The following DCC variants were observed in gnomAD, a reference collection of about 807,000 sequenced individuals.
The protein encoded by DCC is netrin receptor DCC.
A neutral mutation model predicts 172.5 loss-of-function variants in DCC; 58 were observed. The observed-to-expected ratio is 0.34, with a 90% CI of 0.27 to 0.42. The LOEUF (loss-of-function observed/expected upper bound fraction) is 0.42. DCC is among the 10% of genes least tolerant of loss of function. The pLI, the probability that DCC is intolerant of heterozygous loss-of-function variation, is 1.00. For missense variants in DCC, 1,740 were observed against 1,791.0 expected (o/e 0.97, Z 0.51); for synonymous variants, 709 against 644.5 (o/e 1.10, Z -1.52).
At chr18:53,306,538 G>T (rs1018106885) in intron 13 of DCC, among the ~76,000 whole-genome samples, 10 of 152,194 alleles carry the variant, frequency 6.6e-5, no homozygotes, top group African/African-American at 2.2e-4. Context: ...CTCTTGAGAA[G>T]CCACATGAAC....
intron 22 of DCC, among the ~76,000 whole-genome samples, chr18:53,443,866 C>T (rs1408466519): frequency 6.6e-6 from 1 of 152,146 alleles, no homozygotes. Flanking sequence ...ATCGAAATCC[C>T]AGTAACTGCG....
At chr18:53,211,498 C>T (rs10083967) in intron 11 of DCC, among the ~76,000 whole-genome samples, 2 of 152,136 alleles carry the variant, frequency 1.3e-5, no homozygotes, top group African/African-American at 4.8e-5. Flanking sequence ...CCCAGGCGGG[C>T]AGATCACAAG....
chr18:53,485,588 T>C (rs754081855), intron 25 of DCC, among the ~76,000 whole-genome samples: 5 of 152,140 alleles, frequency 3.3e-5, no homozygotes, highest in Non-Finnish European at 7.4e-5. Flanking sequence ...CTGACTTCAT[T>C]TTTCAGTTTA....
intron 12 of DCC, among the ~76,000 whole-genome samples, chr18:53,289,332 ATAT>A (rs1337692284): frequency 6.6e-6 from 1 of 152,156 alleles, no homozygotes; most frequent in Non-Finnish European, 1.5e-5. Context: ...AGACTGGGTA[ATAT>A]TATTTGTGTT....
At chr18:53,384,969 T>TC (rs34275185) in intron 15 of DCC, among the ~76,000 whole-genome samples, 6 of 151,428 alleles carry the variant, frequency 4.0e-5, no homozygotes, top group Admixed American at 3.9e-4. Flanking sequence ...TGCCTCAGCT[T>TC]CCCGAGTAGC....
chr18:53,439,763 A>ATTTTTTTTT (rs1912149119), intron 22 of DCC, among the ~76,000 whole-genome samples: 9 of 112,380 alleles, frequency 8.0e-5, no homozygotes, highest in Non-Finnish European at 1.8e-4. Context: ...ATGTAGTAGT[A>ATTTTTTTTT]TTTTTCTTTT....
At chr18:53,135,843 A>G (rs2043733112) in intron 7 of DCC, among the ~76,000 whole-genome samples, 1 of 151,808 alleles carries the variant, frequency 6.6e-6, no homozygotes, top group Non-Finnish European at 1.5e-5. Flanking sequence ...CTACTTGACT[A>G]ATTGATTATG....
At chr18:52,843,456 G>A (rs2038838772) in intron 2 of DCC, among the ~76,000 whole-genome samples, 1 of 152,048 alleles carries the variant, frequency 6.6e-6, no homozygotes, top group Non-Finnish European at 1.5e-5. Flanking sequence ...GAAGTTTAAA[G>A]ATACCCTAGA....
At chr18:53,446,653 C>A (rs1014136684) in intron 22 of DCC, among the ~76,000 whole-genome samples, 1 of 152,116 alleles carries the variant, frequency 6.6e-6, no homozygotes, top group African/African-American at 2.4e-5. Context: ...TTATTTGTAA[C>A]CCCCAAATCA....
chr18:53,048,490 TG>T (rs1291766079), intron 5 of DCC, among the ~76,000 whole-genome samples: 4 of 26,662 alleles, frequency 1.5e-4, no homozygotes, highest in African/African-American at 1.6e-3. Flanking sequence ...CTCCATGGTT[TG>T]TGTGTGTGTG....
chr18:53,494,714 G>C (rs1197262745), intron 26 of DCC, among the ~76,000 whole-genome samples: 1 of 152,170 alleles, frequency 6.6e-6, no homozygotes, highest in Non-Finnish European at 1.5e-5. Flanking sequence ...GCCTGCACGT[G>C]AGATGGGTCT....
In DCC at chr18:52,880,424, C is replaced by G. The variant is rs1417625696; in HGVS notation, c.413-25620C>G. ...TCAGCCTCCCAAAGTGTTAGGATTA[C>G]AGGCGTTAGCCACCTTGCCCGGCCT... is the stretch of plus-strand genomic sequence containing the variant. On this transcript the variant is annotated intron_variant, in intron 2 of 28. Transcript: ENST00000442544. Among the ~76,000 whole-genome samples, 3 of 152,190 alleles carry G rather than the reference C, an allele frequency of 2.0e-5. No homozygotes were observed. In the East Asian group the frequency reaches 5.8e-4, roughly 29 times the overall value.
In DCC at chr18:53,356,851, G is replaced by A. The variant is rs1300674056; in HGVS notation, c.2359+16944G>A. 2.0e-5 allele frequency among the ~76,000 whole-genome samples: 3 copies of A among 152,130 alleles called. No individual in the cohort carries two copies. In the East Asian group the frequency reaches 5.8e-4, roughly 29 times the overall value. On this transcript the variant is annotated intron_variant, in intron 15 of 28. Coordinates refer to ENST00000442544, the MANE Select transcript of DCC (RefSeq NM_005215.4). ...TTCAACTTTGTGTCTTCAATTTAGG[G>A]AAACTGCTAGGCTGGGCTCCTTCTG... is the stretch of plus-strand genomic sequence containing the variant.
intron 1 of DCC, among the ~76,000 whole-genome samples, chr18:52,576,878 A>G (rs1472946270): frequency 6.6e-6 from 1 of 151,668 alleles, no homozygotes; most frequent in Non-Finnish European, 1.5e-5. Flanking sequence ...GTTTGTAATC[A>G]TGCTTTATGC....
At chr18:52,710,087 G>C (rs762773264) in intron 1 of DCC, among the ~76,000 whole-genome samples, 3 of 152,190 alleles carry the variant, frequency 2.0e-5, no homozygotes, top group Non-Finnish European at 4.4e-5. Flanking sequence ...CCTTGATCCA[G>C]TGTTTCTCTA....
chr18:53,103,614 T>C (rs564038592), intron 7 of DCC, among the ~76,000 whole-genome samples: 1 of 152,228 alleles, frequency 6.6e-6, no homozygotes, highest in South Asian at 2.1e-4. Context: ...TTGTCATTTG[T>C]ATTTGCTTAT....
intron 15 of DCC, among the ~76,000 whole-genome samples, chr18:53,385,348 A>G (rs1908086712): frequency 6.6e-6 from 1 of 152,192 alleles, no homozygotes; most frequent in African/African-American, 2.4e-5. Context: ...ATTCAAAGCT[A>G]AAGTATTTAC....
At chr18:53,439,286 G>T (rs1912124602) in intron 22 of DCC, among the ~76,000 whole-genome samples, 1 of 152,164 alleles carries the variant, frequency 6.6e-6, no homozygotes, top group Non-Finnish European at 1.5e-5. Context: ...CTTTAAAAGG[G>T]GGGTATGTTT....
At chr18:52,370,531 T>C (rs770196574) in intron 1 of DCC, among the ~76,000 whole-genome samples, 12 of 151,774 alleles carry the variant, frequency 7.9e-5, no homozygotes, top group Non-Finnish European at 1.2e-4. Flanking sequence ...CATGGACACA[T>C]TGGGGGGAAC....
Sources: gnomAD v4.1 joint callset for allele counts (sites outside exome capture counted in the v4.1 genomes callset) on GRCh38, gnomAD v4.1.1 for gene constraint, MANE v1.5 for transcripts, NCBI Gene and HGNC (gene_info 2026-07-23, HGNC 2026-07-21) for gene names.